The following DCDC1 variants were observed in gnomAD, a reference collection of about 807,000 sequenced individuals.
The protein encoded by DCDC1 is doublecortin domain-containing protein 1.
Under a neutral mutation model 178.3 loss-of-function variants are expected in DCDC1, and 200 were observed. The ratio of observed to expected loss-of-function variants is 1.12; its 90% CI spans 1.00 to 1.26. The LOEUF (loss-of-function observed/expected upper bound fraction) is 1.26. DCDC1 is among the 50% of genes most tolerant of loss of function. The pLI is 0.00. For missense variants in DCDC1, 1,983 were observed against 1,749.2 expected, an observed-to-expected ratio of 1.13 and a Z score of -2.38; for synonymous variants, 690 against 604.8, an observed-to-expected ratio of 1.14 and a Z score of -2.07.
chr11:31,354,699 G>T (rs1467491386), intron 1 of DCDC1, among the ~76,000 whole-genome samples: 1 of 152,114 alleles, frequency 6.6e-6, no homozygotes, highest in Non-Finnish European at 1.5e-5. Flanking sequence ...AATTCAGTAG[G>T]ATAGGGAAAA....
intron 20 of DCDC1, among the ~76,000 whole-genome samples, chr11:31,063,094 C>A (rs183508086): frequency 1.3e-5 from 2 of 151,842 alleles, no homozygotes; most frequent in East Asian, 1.9e-4. Flanking sequence ...AAAAACACAT[C>A]AAAAAATGCT....
At chr11:31,307,987 T>C in intron 3 of DCDC1, 79 bp from the exon 4 acceptor site, 1 of 1,553,492 alleles carries the variant, frequency 6.4e-7, no homozygotes, top group Non-Finnish European at 8.8e-7. Context: ...AATAACGAGT[T>C]GTGTGCTATG....
Position 31,356,946 on chromosome 11 carries a change from T to C in DCDC1, c.-125+12751A>G, listed in dbSNP as rs1394234150. On this transcript the variant is annotated intron_variant, in intron 1 of 38. Coordinates refer to ENST00000684477, the MANE Select transcript of DCDC1 (RefSeq NM_001387274.1). ...GAGCTGAAATTGTGGCAATAATCAA[T>C]AGCTTACCAACCAAAAAGAGTGCAG... Among the ~76,000 whole-genome samples, 20 of 152,234 alleles carry C rather than the reference T, an allele frequency of 1.3e-4. No homozygotes were observed. The South Asian group carries it at 4.2e-3, about 32-fold the overall frequency.
chr11:31,229,747 C>A (rs1321290841), intron 9 of DCDC1, among the ~76,000 whole-genome samples: 2 of 152,010 alleles, frequency 1.3e-5, no homozygotes, highest in Admixed American at 6.6e-5. Flanking sequence ...TAATTCTCCA[C>A]ATTAACAAAA....
At chr11:31,330,864 T>C (rs1949943011) in intron 2 of DCDC1, among the ~76,000 whole-genome samples, 1 of 152,216 alleles carries the variant, frequency 6.6e-6, no homozygotes, top group South Asian at 2.1e-4. Context: ...TTGCTTAGGA[T>C]TGTCTTGGCA....
intron 9 of DCDC1, among the ~76,000 whole-genome samples, chr11:31,143,781 G>T (rs1182427887): frequency 6.6e-6 from 1 of 152,204 alleles, no homozygotes; most frequent in African/African-American, 2.4e-5. Flanking sequence ...GGAAGAGATA[G>T]AAACCTTTCA....
chr11:31,166,698 T>C (rs1010798828), intron 9 of DCDC1, among the ~76,000 whole-genome samples: 5 of 152,170 alleles, frequency 3.3e-5, no homozygotes, highest in African/African-American at 1.2e-4. Flanking sequence ...AGAATAGTAT[T>C]TGTCTGTGTG....
intron 20 of DCDC1, among the ~76,000 whole-genome samples, chr11:30,995,176 G>T (rs990174197): frequency 2.0e-5 from 3 of 151,970 alleles, no homozygotes; most frequent in African/African-American, 7.3e-5. Context: ...AAAATATTAA[G>T]ATAAAGCACT....
chr11:31,163,921 T>C (rs907520654), intron 9 of DCDC1, among the ~76,000 whole-genome samples: 1 of 152,218 alleles, frequency 6.6e-6, no homozygotes, highest in Non-Finnish European at 1.5e-5. Context: ...TGACAAATTC[T>C]TTCACTTCTT....
chr11:31,070,231 C>T (rs988876129), intron 18 of DCDC1, among the ~76,000 whole-genome samples: 4 of 152,178 alleles, frequency 2.6e-5, no homozygotes, highest in African/African-American at 9.7e-5. Context: ...AGTCATCAGA[C>T]CACCAATACA....
At chr11:31,095,717 T>G (rs1483492181) in intron 15 of DCDC1, among the ~76,000 whole-genome samples, 1 of 152,164 alleles carries the variant, frequency 6.6e-6, no homozygotes, top group Admixed American at 6.5e-5. Flanking sequence ...GCCAAAGGTG[T>G]TGTGCACCTT....
intron 20 of DCDC1, among the ~76,000 whole-genome samples, chr11:30,955,332 T>C (rs1948706588): frequency 1.3e-5 from 2 of 152,308 alleles, no homozygotes; most frequent in South Asian, 4.1e-4. Context: ...CCTAGTTGCA[T>C]TTATATCAGT....
intron 10 of DCDC1, among the ~76,000 whole-genome samples, chr11:31,133,365 C>A (rs1306920584): frequency 6.6e-6 from 1 of 152,180 alleles, no homozygotes; most frequent in Non-Finnish European, 1.5e-5. Flanking sequence ...GTCTCAAAGC[C>A]AGGTCAGCAC....
rs371591376 is a variant in DCDC1 at position 30,881,151 on chromosome 11, T to C, written c.5233+7A>G. 236 of 1,612,784 alleles carry C rather than the reference T, an allele frequency of 1.5e-4. No individual in the cohort carries two copies. Among genetic ancestry groups the C allele is most frequent in the Non-Finnish European group, 1.8e-4 (216 of 1,179,340 alleles). On this transcript the variant is annotated splice_region_variant and intron_variant, in intron 37 of 38. Coordinates refer to ENST00000684477, the MANE Select transcript of DCDC1 (RefSeq NM_001387274.1). ...AGACTTGATGGAAAAGAAACTATCA[T>C]GCATACCTTTTGGGGTTTTGAAACC...
At chr11:31,041,549 G>A (rs1440203266) in intron 20 of DCDC1, among the ~76,000 whole-genome samples, 1 of 152,152 alleles carries the variant, frequency 6.6e-6, no homozygotes, top group Non-Finnish European at 1.5e-5. Context: ...TAAGTAAATA[G>A]GCCAAGGTCA....
chr11:31,307,986 T>A, intron 3 of DCDC1, 78 bp from the exon 4 acceptor site: 1 of 1,564,544 alleles, frequency 6.4e-7, no homozygotes, highest in South Asian at 1.2e-5. Flanking sequence ...TAATAACGAG[T>A]TGTGTGCTAT....
intron 9 of DCDC1, among the ~76,000 whole-genome samples, chr11:31,227,674 A>T (rs573745452): frequency 9.2e-5 from 14 of 152,168 alleles, no homozygotes; most frequent in Non-Finnish European, 1.5e-4. Flanking sequence ...TAATTATATT[A>T]AATGTAAATG....
intron 18 of DCDC1, among the ~76,000 whole-genome samples, chr11:31,070,495 C>T (rs1238842940): frequency 6.6e-6 from 1 of 152,138 alleles, no homozygotes; most frequent in African/African-American, 2.4e-5. Context: ...CATCTCTAAT[C>T]ACATAATTCC....
At chr11:31,157,643 T>TA (rs1287094021) in intron 9 of DCDC1, among the ~76,000 whole-genome samples, 1 of 151,760 alleles carries the variant, frequency 6.6e-6, no homozygotes, top group African/African-American at 2.4e-5. Flanking sequence ...ATCAAATTCA[T>TA]AAAAAACAGG....
Sources: allele counts gnomAD v4.1 joint callset (sites outside exome capture counted in the v4.1 genomes callset), GRCh38; gene constraint gnomAD v4.1.1; transcripts MANE v1.5; gene names NCBI Gene and HGNC (gene_info 2026-07-23, HGNC 2026-07-21).